The following PAMR1 variants were observed in gnomAD, a reference collection of about 807,000 sequenced individuals.
PAMR1 encodes inactive serine protease PAMR1.
A neutral mutation model predicts 81.8 loss-of-function variants in PAMR1; 88 were observed. The ratio of observed to expected loss-of-function variants is 1.08; its 90% CI spans 0.91 to 1.28. The LOEUF is 1.28. Among genes scored for constraint, PAMR1 ranks in the 50% most tolerant of loss-of-function variants. PAMR1 has a pLI of 0.00. For synonymous variants in PAMR1, 336 were observed against 345.3 expected (o/e 0.97, Z 0.30); for missense variants, 935 against 919.7 (o/e 1.02, Z -0.21).
chr11:35,525,718 G>T (rs1334897608), upstream of PAMR1: 9 of 718,914 alleles, frequency 1.3e-5, no homozygotes, highest in Non-Finnish European at 2.2e-5. Flanking sequence ...AGCTCGCCAG[G>T]CTCTCCCATC....
rs148575140 is a variant in PAMR1 at position 35,465,998 on chromosome 11, T to C, written c.820+2003A>G. Among the ~76,000 whole-genome samples, 505 of 152,372 alleles carry C rather than the reference T, an allele frequency of 3.3e-3. 2 individuals are homozygous for C. The highest frequency in any genetic ancestry group is 0.012 in the African/African-American group (487 of 41,592). On this transcript the variant is annotated intron_variant, in intron 6 of 10. Transcript: ENST00000619888. ...TCATAAGTTTTGGACCAATTTATTT[T>C]TCTTTCCTAATTTGACTCAGCTTCC...
intron 6 of PAMR1, among the ~76,000 whole-genome samples, chr11:35,453,889 C>T (rs577101119): frequency 1.7e-4 from 26 of 152,294 alleles, no homozygotes; most frequent in African/African-American, 6.0e-4. Flanking sequence ...CATTGCCATG[C>T]TACTTTCAGG....
chr11:35,461,231 G>A (rs1856646848), intron 6 of PAMR1, among the ~76,000 whole-genome samples: 1 of 152,208 alleles, frequency 6.6e-6, no homozygotes, highest in Admixed American at 6.5e-5. Context: ...TTGGCAAGAA[G>A]CAGACAGGTG....
intron 3 of PAMR1, among the ~76,000 whole-genome samples, chr11:35,488,197 CTTTT>C (rs35884320): frequency 2.3e-4 from 20 of 88,038 alleles, no homozygotes; most frequent in African/African-American, 7.7e-4. Flanking sequence ...CCTTTCCCAT[CTTTT>C]TTTTTTTTTT....
intron 1 of PAMR1, among the ~76,000 whole-genome samples, chr11:35,495,974 G>C (rs1850721292): frequency 6.6e-6 from 1 of 152,160 alleles, no homozygotes; most frequent in South Asian, 2.1e-4. Context: ...ATTGGTGTTT[G>C]GGAATGAATG....
chr11:35,446,287 G>T (rs1246640543), intron 6 of PAMR1, among the ~76,000 whole-genome samples: 1 of 152,026 alleles, frequency 6.6e-6, no homozygotes, highest in Non-Finnish European at 1.5e-5. Context: ...CAAAAAACCA[G>T]CTCCTGGATT....
intron 10 of PAMR1, among the ~76,000 whole-genome samples, chr11:35,433,923 G>A (rs960958481): frequency 6.6e-6 from 1 of 152,116 alleles, no homozygotes; most frequent in African/African-American, 2.4e-5. Context: ...AGACAGGGAG[G>A]GAGTCAGGGA....
chr11:35,432,849 A>G lies in PAMR1; in HGVS notation c.1670T>C (p.Leu557Pro), dbSNP rs1410630126. The change falls in exon 11 of 11, where the codon CTT (leucine) becomes CCT (proline). Residue 557 changes from leucine to proline, a missense_variant. Physicochemically the swap from Leu to Pro is moderately conservative, Grantham distance 98. Transcript: ENST00000619888. ...CTTCAGGATGGCGATGTCAGCATCA[A>G]GCAGGATGGGGTCATAGTTGGGATG... ...ILHPNYDPILLDADIAILKLL... is the reference protein window; with the variant it reads ...ILHPNYDPILPDADIAILKLL... The G allele has an allele frequency of 1.3e-6, 2 of 1,599,572 alleles. No individual in the cohort carries two copies. Among genetic ancestry groups the G allele is most frequent in the East Asian group, 2.2e-5 (1 of 44,848 alleles).
At chr11:35,470,424 A>G (rs771938065) in intron 5 of PAMR1, among the ~76,000 whole-genome samples, 177 bp downstream of exon 5, 2 of 152,148 alleles carry the variant, frequency 1.3e-5, no homozygotes, top group Non-Finnish European at 2.9e-5. Context: ...TCTGGTTCTG[A>G]GTGAGTTTTT....
At chr11:35,436,530 T>G (rs1336464033) in intron 8 of PAMR1, among the ~76,000 whole-genome samples, 1 of 152,098 alleles carries the variant, frequency 6.6e-6, no homozygotes, top group Admixed American at 6.6e-5. Context: ...AGCAATCCAC[T>G]CACCTTGGCC....
chr11:35,458,250 G>T (rs1461147167), intron 6 of PAMR1, among the ~76,000 whole-genome samples: 2 of 152,088 alleles, frequency 1.3e-5, no homozygotes, highest in Non-Finnish European at 2.9e-5. Context: ...ATCAGCAATG[G>T]TTGCACCCCC....
intron 6 of PAMR1, among the ~76,000 whole-genome samples, chr11:35,465,709 G>C (rs1233284959): frequency 6.6e-6 from 1 of 152,142 alleles, no homozygotes; most frequent in African/African-American, 2.4e-5. Context: ...ATATCCACTG[G>C]TAACACCTTC....
chr11:35,525,632 G>A (rs749017208), upstream of PAMR1: 33 of 1,568,526 alleles, frequency 2.1e-5, no homozygotes, highest in Admixed American at 3.4e-5. Flanking sequence ...GGGAGAGGAG[G>A]GACCCAGGGA....
chr11:35,478,863 T>C (rs1850330401), intron 3 of PAMR1, among the ~76,000 whole-genome samples: 1 of 152,118 alleles, frequency 6.6e-6, no homozygotes, highest in Non-Finnish European at 1.5e-5. Context: ...TGTGTCTGTG[T>C]GTGTGTAGTG....
intron 1 of PAMR1, among the ~76,000 whole-genome samples, chr11:35,519,226 T>A (rs1006877121): frequency 6.6e-6 from 1 of 152,200 alleles, no homozygotes; most frequent in Non-Finnish European, 1.5e-5. Context: ...AAGGTTGAGA[T>A]GAATTGGTTA....
In PAMR1 at chr11:35,451,969, C is replaced by A; in HGVS notation, c.821-10276G>T. On this transcript the variant is annotated intron_variant, in intron 6 of 10. Coordinates refer to ENST00000619888, the MANE Select transcript of PAMR1 (RefSeq NM_001001991.3). ...AGAAATAAATGTTTGTTGTTTAAGT[C>A]ACCCAGTCTATGGTATTCTCTTGTA... The A allele has an allele frequency of 4.5e-6, 3 of 673,800 alleles. No individual in the cohort carries two copies. The South Asian group carries it at 5.0e-5, about 11-fold the overall frequency. 41.7% of individuals were successfully genotyped at this position (673,800 alleles called of 1,614,324 possible). A position where few individuals can be genotyped will look rare whatever the true frequency, so the allele number is the denominator to read the frequency against.
chr11:35,525,535 A>G lies in PAMR1; in HGVS notation c.51T>C (p.Leu17=), dbSNP rs1197387046. The G allele has an allele frequency of 4.3e-6, 7 of 1,613,896 alleles. No individual in the cohort carries two copies. In the African/African-American group the frequency reaches 9.3e-5, roughly 22 times the overall value. Residue 17 remains leucine, a synonymous_variant, in exon 1 of 11, where the codon CTT becomes CTC. Transcript: ENST00000619888. ...TACCTCTTGGCAAGGACGAGATGAG[A>G]AGGAGCTGAAGAAAAGTGAGCCCCA... The part of the protein sequence containing the change: ...TQLGLTFLQL[L]LISSLPREYT...
chr11:35,437,227 T>C (rs925132511), intron 8 of PAMR1, among the ~76,000 whole-genome samples: 7 of 152,172 alleles, frequency 4.6e-5, no homozygotes, highest in South Asian at 2.1e-4. Context: ...ACCTGAAAAG[T>C]TGAAAGTCCT....
At chr11:35,481,231 C>T (rs1312657968) in intron 3 of PAMR1, among the ~76,000 whole-genome samples, 1 of 152,122 alleles carries the variant, frequency 6.6e-6, no homozygotes, top group Non-Finnish European at 1.5e-5. Flanking sequence ...AGTAATGGAA[C>T]TGCTGGGTCA....
Sources: allele counts gnomAD v4.1 joint callset (sites outside exome capture counted in the v4.1 genomes callset), GRCh38; gene constraint gnomAD v4.1.1; transcripts MANE v1.5; gene names NCBI Gene and HGNC (gene_info 2026-07-23, HGNC 2026-07-21).